The following GABRB2 variants were observed in gnomAD, a reference collection of about 807,000 sequenced individuals.
GABRB2 encodes the protein gamma-aminobutyric acid type A receptor subunit beta2, also known as gamma-aminobutyric acid receptor subunit beta-2.
Under a neutral mutation model 54.7 loss-of-function variants are expected in GABRB2, and 16 were observed. The ratio of observed to expected loss-of-function variants is 0.29; its 90% confidence interval spans 0.20 to 0.44. The LOEUF is 0.44. GABRB2 is among the 20% of genes least tolerant of loss of function. The pLI is 1.00. For missense variants in GABRB2, 355 were observed against 644.0 expected (o/e 0.55, Z 4.86); for synonymous variants, 244 against 233.8 (o/e 1.04, Z -0.40).
intron 3 of GABRB2, among the ~76,000 whole-genome samples, chr5:161,517,347 T>C (rs2113420674): frequency 6.6e-6 from 1 of 152,302 alleles, no homozygotes; most frequent in Non-Finnish European, 1.5e-5. Flanking sequence ...TCTCCAAAAA[T>C]ATATTTGTGT....
chr5:161,309,520 T>C lies in GABRB2; in HGVS notation c.1192-15092A>G, dbSNP rs138700434. Among the ~76,000 whole-genome samples the C allele has an allele frequency of 1.2e-3, 187 of 152,290 alleles. 5 individuals are homozygous for C. The East Asian group carries it at 0.033, about 27-fold the overall frequency. On this transcript the variant is annotated intron_variant, in intron 9 of 9. Transcript: ENST00000393959. Reference sequence around the variant, plus strand: ...TCCTATTACTGGGTATATACCCAAATGAGTGTAATTTTTTATATTATAAAG... The same window carrying C: ...TCCTATTACTGGGTATATACCCAAACGAGTGTAATTTTTTATATTATAAAG...
At chr5:161,464,043 A>C (rs530602886) in intron 3 of GABRB2, among the ~76,000 whole-genome samples, 1 of 152,078 alleles carries the variant, frequency 6.6e-6, no homozygotes, top group Non-Finnish European at 1.5e-5. Flanking sequence ...TTCAGCAAAG[A>C]CTTCTTAGAT....
intron 5 of GABRB2, among the ~76,000 whole-genome samples, chr5:161,339,516 C>A (rs1426711836): frequency 6.6e-6 from 1 of 151,950 alleles, no homozygotes; most frequent in Admixed American, 6.6e-5. Context: ...CCAGATAATT[C>A]TATTGTAGGT....
rs146788372 is a variant in GABRB2 at position 161,348,927 on chromosome 5, G to A, written c.542-12158C>T. Among the ~76,000 whole-genome samples the A allele has an allele frequency of 2.6e-3, 397 of 152,154 alleles. 4 individuals are homozygous for A. The highest frequency in any genetic ancestry group is 8.2e-3 in the African/African-American group (342 of 41,540). The stretch of plus-strand genomic sequence containing the variant: ...GCATTTGTATATAATTGAAGCTATT[G>A]TTCATTCATATCAGACTATCAACCT... On this transcript the variant is annotated intron_variant, in intron 5 of 9. Transcript: ENST00000393959.
At chr5:161,323,970 G>A (rs1340632161) in intron 9 of GABRB2, among the ~76,000 whole-genome samples, 1 of 152,122 alleles carries the variant, frequency 6.6e-6, no homozygotes, top group Non-Finnish European at 1.5e-5. Flanking sequence ...ACAATGGTGT[G>A]TAAACCTGTC....
At chr5:161,462,248 C>T (rs185171106) in intron 3 of GABRB2, among the ~76,000 whole-genome samples, 1 of 152,176 alleles carries the variant, frequency 6.6e-6, no homozygotes, top group Non-Finnish European at 1.5e-5. Context: ...CAGCACTCTG[C>T]TTTAGGGAAG....
At chr5:161,407,917 A>AC in intron 5 of GABRB2, among the ~76,000 whole-genome samples, 1 of 151,988 alleles carries the variant, frequency 6.6e-6, no homozygotes, top group South Asian at 2.1e-4. Context: ...TCTATGAAAC[A>AC]CCCCCCATCC....
At chr5:161,482,410 C>T (rs781285568) in intron 3 of GABRB2, among the ~76,000 whole-genome samples, 2 of 152,104 alleles carry the variant, frequency 1.3e-5, no homozygotes, top group Non-Finnish European at 2.9e-5. Flanking sequence ...CAAAGTCCAA[C>T]ATCATTTCTT....
chr5:161,301,481 G>A (rs1465901104), intron 9 of GABRB2, among the ~76,000 whole-genome samples: 4 of 151,746 alleles, frequency 2.6e-5, no homozygotes, highest in African/African-American at 9.7e-5. Flanking sequence ...CAATCAGAAG[G>A]ACCATGTGGC....
At chr5:161,440,062 C>CAAA (rs61152845) in intron 4 of GABRB2, among the ~76,000 whole-genome samples, 6 of 77,186 alleles carry the variant, frequency 7.8e-5, no homozygotes, top group Admixed American at 1.5e-4. Context: ...AACCTCAAAC[C>CAAA]AAAAAAAAAA....
intron 6 of GABRB2, among the ~76,000 whole-genome samples, chr5:161,336,140 G>A: frequency 6.6e-6 from 1 of 152,110 alleles, no homozygotes; most frequent in South Asian, 2.1e-4. Flanking sequence ...ACCTGAAACA[G>A]CTTTTAGCTC....
At chr5:161,426,584 TC>T (rs1339776289) in intron 4 of GABRB2, among the ~76,000 whole-genome samples, 3 of 151,930 alleles carry the variant, frequency 2.0e-5, no homozygotes, top group Non-Finnish European at 4.4e-5. Flanking sequence ...AAGAAAAACA[TC>T]CCCTTGTACC....
chr5:161,294,530 G>C, intron 9 of GABRB2, 102 bp from the exon 10 acceptor site: 3 of 929,118 alleles, frequency 3.2e-6, no homozygotes, highest in Non-Finnish European at 4.8e-6. Context: ...TTATAGGAGT[G>C]GTAAAGAGAG....
intron 3 of GABRB2, among the ~76,000 whole-genome samples, chr5:161,518,981 C>G (rs147298538): frequency 1.3e-5 from 2 of 152,148 alleles, no homozygotes; most frequent in Non-Finnish European, 2.9e-5. Flanking sequence ...AACCTCACAA[C>G]GACCACCTTT....
chr5:161,320,373 ACG>A (rs950205786), intron 9 of GABRB2, among the ~76,000 whole-genome samples: 3 of 149,282 alleles, frequency 2.0e-5, no homozygotes, highest in South Asian at 2.1e-4. Flanking sequence ...TCTTTGACAC[ACG>A]TGACTTGTAC....
chr5:161,423,507 T>C (rs1756911081), intron 4 of GABRB2, among the ~76,000 whole-genome samples: 1 of 152,152 alleles, frequency 6.6e-6, no homozygotes, highest in Non-Finnish European at 1.5e-5. Context: ...ATTATGTCTG[T>C]CACAGTCATC....
At chr5:161,424,930 T>C (rs1337834086) in intron 4 of GABRB2, among the ~76,000 whole-genome samples, 1 of 152,096 alleles carries the variant, frequency 6.6e-6, no homozygotes, top group African/African-American at 2.4e-5. Flanking sequence ...TTGATTCTAC[T>C]CTCACTGATG....
At chr5:161,517,718 T>C (rs376637088) in intron 3 of GABRB2, among the ~76,000 whole-genome samples, 1 of 152,062 alleles carries the variant, frequency 6.6e-6, no homozygotes, top group African/African-American at 2.4e-5. Context: ...GGCATAAAAG[T>C]CAATTTAAAG....
At chr5:161,538,838 A>AG (rs1760726010) in intron 3 of GABRB2, among the ~76,000 whole-genome samples, 1 of 151,652 alleles carries the variant, frequency 6.6e-6, no homozygotes, top group Non-Finnish European at 1.5e-5. Context: ...AAAAAAAAAA[A>AG]GTAAACACCT....
Sources: allele counts gnomAD v4.1 joint callset (sites outside exome capture counted in the v4.1 genomes callset), GRCh38; gene constraint gnomAD v4.1.1; transcripts MANE v1.5; gene names NCBI Gene and HGNC (gene_info 2026-07-23, HGNC 2026-07-21).